ABCA13: variants seen among roughly 807,000 people sequenced by gnomAD.
ABCA13 encodes ATP-binding cassette sub-family A member 13.
ABCA13 carries 476 observed loss-of-function variants against 478.7 expected under a neutral mutation model. That is an observed-to-expected ratio of 0.99 (90% CI 0.92 to 1.07). The LOEUF (loss-of-function observed/expected upper bound fraction) is 1.07. Among genes scored for constraint, ABCA13 ranks in the 50% least tolerant of loss-of-function variants. The probability of loss-of-function intolerance (pLI) is 0.00; values close to 1 mark genes in which losing one functional copy is unlikely to be tolerated. For synonymous variants in ABCA13, 2,252 were observed against 2,158.9 expected (o/e 1.04, Z -1.20); for missense variants, 6,060 against 5,910.6 (o/e 1.03, Z -0.83).
In ABCA13 at chr7:48,508,056, T is replaced by G; in HGVS notation, c.13524+7T>G. 6.2e-7 allele frequency: 1 copy of G among 1,613,740 alleles called. No homozygotes were observed. Among genetic ancestry groups the G allele is most frequent in the African/African-American group, 1.3e-5 (1 of 75,010 alleles). ...AAACTTCCTATATGACATGGTAGGATTTGGGAATGAGATTCTGTGTGCCTC... is the reference window on the plus strand; with the variant it reads ...AAACTTCCTATATGACATGGTAGGAGTTGGGAATGAGATTCTGTGTGCCTC... On this transcript the variant is annotated splice_region_variant and intron_variant, in intron 50 of 61. Coordinates refer to ENST00000435803, the MANE Select transcript of ABCA13 (RefSeq NM_152701.5).
Position 48,644,628 on chromosome 7 carries a change from G to A in ABCA13, c.14955G>A (p.Leu4985=). The A allele has an allele frequency of 1.3e-6, 2 of 1,565,044 alleles. No homozygotes were observed. The highest frequency in any genetic ancestry group is 8.7e-7 in the Non-Finnish European group (1 of 1,149,028). ...TTTTTTGCTTTTAGGGACAGCACCT[G>A]AATTTATTAGAATATCATGTGCCAA... The part of the protein sequence containing the change: ...FPGIQFKGQH[L]NLLEYHVPKR... Residue 4985 remains leucine (L), a synonymous_variant, in exon 61 of 62, where the codon CTG becomes CTA. Coordinates refer to ENST00000435803, the MANE Select transcript of ABCA13 (RefSeq NM_152701.5).
At chr7:48,519,709 G>A (rs141292683) in intron 52 of ABCA13, among the ~76,000 whole-genome samples, 2 of 152,142 alleles carry the variant, frequency 1.3e-5, no homozygotes, top group Admixed American at 6.5e-5. Context: ...CCCCTTCTAT[G>A]TATGGATTAT....
intron 40 of ABCA13, 150 bp downstream of exon 40, chr7:48,410,827 T>C: frequency 8.7e-7 from 1 of 1,148,994 alleles, no homozygotes. Context: ...CCCAGGCCTG[T>C]GCAGGGAGCA....
At chr7:48,513,240 A>T (rs1437742562) in intron 51 of ABCA13, among the ~76,000 whole-genome samples, 3 of 152,240 alleles carry the variant, frequency 2.0e-5, no homozygotes, top group Non-Finnish European at 4.4e-5. Context: ...ACCTAAGAGC[A>T]CGTCCAGGCA....
intron 41 of ABCA13, among the ~76,000 whole-genome samples, chr7:48,414,837 G>A (rs1305755088): frequency 6.6e-6 from 1 of 152,116 alleles, no homozygotes; most frequent in Non-Finnish European, 1.5e-5. Context: ...TAACAATCAT[G>A]ATTAAATGCC....
intron 15 of ABCA13, among the ~76,000 whole-genome samples, chr7:48,261,728 A>G (rs1302229777): frequency 6.6e-6 from 1 of 151,766 alleles, no homozygotes; most frequent in African/African-American, 2.4e-5. Context: ...CCTTTATTTT[A>G]AAGTTTATAT....
At position 48,427,778 on chromosome 7, in the gene ABCA13, C is replaced by CT; in HGVS notation, c.12476dup (p.Leu4159PhefsTer15). On this transcript the variant is annotated frameshift_variant, in exon 42 of 62. Coordinates refer to ENST00000435803, the MANE Select transcript of ABCA13 (RefSeq NM_152701.5). LOFTEE classifies it high-confidence loss of function. Reference sequence around the variant, plus strand: ...TTTTCTCCGAAAGGTGTTTTTGATGCTTTTGCAAGATTCCAACAAGAAATC... The same window carrying CT: ...TTTTCTCCGAAAGGTGTTTTTGATGCTTTTTGCAAGATTCCAACAAGAAATC... 1 of 1,610,436 alleles carries CT rather than the reference C, an allele frequency of 6.2e-7. No homozygotes were observed. Among genetic ancestry groups the CT allele is most frequent in the Non-Finnish European group, 8.5e-7 (1 of 1,177,896 alleles).
rs748950845 is a variant in ABCA13, at chr7:48,511,212, A to G, written c.13640+13A>G. ...TGTCACTTTTCGGGTATGTGATGAG[A>G]AACGCTGCTGCAGAATTACGGTTTG... On this transcript the variant is annotated intron_variant, in intron 51 of 61. Transcript: ENST00000435803. 2.5e-6 allele frequency: 4 copies of G among 1,594,776 alleles called. No individual in the cohort carries two copies. The African/African-American group carries it at 5.4e-5, about 22-fold the overall frequency.
intron 30 of ABCA13, 56 bp from the exon 31 acceptor site, chr7:48,352,125 G>T (rs1265533191): frequency 6.5e-7 from 1 of 1,532,670 alleles, no homozygotes; most frequent in Non-Finnish European, 8.8e-7. Context: ...TGTAGGCGTG[G>T]TTTGAGCCAC....
intron 41 of ABCA13, among the ~76,000 whole-genome samples, chr7:48,415,283 A>G (rs17662106): frequency 0.2 from 29,653 of 152,028 alleles, 3,259 homozygotes; most frequent in East Asian, 0.25. Context: ...TAGTTTTGCC[A>G]TCCTGGGTCA....
chr7:48,212,064 G>T (rs1785741719), intron 3 of ABCA13, among the ~76,000 whole-genome samples: 1 of 152,122 alleles, frequency 6.6e-6, no homozygotes, highest in Admixed American at 6.5e-5. Context: ...AAATTTATTT[G>T]GGATCTCAAA....
intron 21 of ABCA13, 135 bp from the exon 22 acceptor site, chr7:48,297,097 T>G: frequency 2.7e-6 from 2 of 738,982 alleles, no homozygotes; most frequent in Non-Finnish European, 4.5e-6. Flanking sequence ...TGGGTCTAAT[T>G]GTTGCAGGAA....
intron 1 of ABCA13, among the ~76,000 whole-genome samples, chr7:48,178,951 C>T (rs567205174): frequency 6.8e-6 from 1 of 147,736 alleles, no homozygotes; most frequent in African/African-American, 2.5e-5. Context: ...GGTGGATTTA[C>T]GTGGCTTCTG....
At chr7:48,213,406 A>G (rs1211212650) in intron 3 of ABCA13, among the ~76,000 whole-genome samples, 1 of 152,244 alleles carries the variant, frequency 6.6e-6, no homozygotes, top group Non-Finnish European at 1.5e-5. Flanking sequence ...ATTGTCTAAA[A>G]AATGTACATA....
chr7:48,339,618 T>C (rs555797821), intron 29 of ABCA13, among the ~76,000 whole-genome samples: 2 of 152,236 alleles, frequency 1.3e-5, no homozygotes, highest in Non-Finnish European at 2.9e-5. Context: ...ACATGTAAAC[T>C]TCTATTGTAA....
intron 27 of ABCA13, 53 bp downstream of exon 27, chr7:48,317,349 A>G: frequency 6.5e-7 from 1 of 1,545,712 alleles, no homozygotes; most frequent in Non-Finnish European, 8.8e-7. Context: ...TAAATCAGGA[A>G]GGAATCTTTA....
chr7:48,486,833 A>G (rs1829351508), intron 47 of ABCA13, among the ~76,000 whole-genome samples: 1 of 152,178 alleles, frequency 6.6e-6, no homozygotes, highest in African/African-American at 2.4e-5. Flanking sequence ...GTTGCATCTG[A>G]TGATAGCAGA....
At chr7:48,486,227 TGA>T (rs1829285073) in intron 47 of ABCA13, among the ~76,000 whole-genome samples, 1 of 152,194 alleles carries the variant, frequency 6.6e-6, no homozygotes, top group Non-Finnish European at 1.5e-5. Context: ...TGTGTCTCCC[TGA>T]GAGAGTCTCT....
At chr7:48,507,549 G>A (rs992147062) in intron 49 of ABCA13, among the ~76,000 whole-genome samples, 29 of 152,106 alleles carry the variant, frequency 1.9e-4, no homozygotes, top group Admixed American at 3.9e-4. Flanking sequence ...CAGCTTACCC[G>A]GATGCTGCTC....
Sources: allele counts gnomAD v4.1 joint callset (sites outside exome capture counted in the v4.1 genomes callset), GRCh38; gene constraint gnomAD v4.1.1; transcripts MANE v1.5; gene names NCBI Gene and HGNC (gene_info 2026-07-23, HGNC 2026-07-21).